DCDC1: variants seen among roughly 807,000 people sequenced by gnomAD.
The protein encoded by DCDC1 is doublecortin domain containing 1, also known as doublecortin domain-containing protein 1.
Under a neutral mutation model 178.3 loss-of-function variants are expected in DCDC1, and 200 were observed. That is an observed-to-expected ratio of 1.12 (90% CI 1.00 to 1.26). DCDC1 has a LOEUF of 1.26. Among genes scored for constraint, DCDC1 ranks in the 50% most tolerant of loss-of-function variants. The pLI is 0.00. For synonymous variants in DCDC1, 690 were observed against 604.8 expected, an observed-to-expected ratio of 1.14 and a Z score of -2.07; for missense variants, 1,983 against 1,749.2, an observed-to-expected ratio of 1.13 and a Z score of -2.38.
intron 20 of DCDC1, among the ~76,000 whole-genome samples, chr11:30,953,027 G>T (rs1948525897): frequency 6.6e-6 from 1 of 151,778 alleles, no homozygotes; most frequent in African/African-American, 2.4e-5. Flanking sequence ...AATGCTATAA[G>T]TAATAAATGC....
chr11:30,960,996 T>A (rs1327572305), intron 20 of DCDC1, among the ~76,000 whole-genome samples: 1 of 152,148 alleles, frequency 6.6e-6, no homozygotes, highest in Non-Finnish European at 1.5e-5. Context: ...CTCTGTTCAA[T>A]ATTTGATTGA....
At chr11:30,934,047 G>A (rs188715427) in intron 21 of DCDC1, among the ~76,000 whole-genome samples, 1 of 152,248 alleles carries the variant, frequency 6.6e-6, no homozygotes, top group Admixed American at 6.5e-5. Context: ...CCACTCAGCT[G>A]GTGGCATCAA....
At chr11:31,195,383 C>T (rs968645159) in intron 9 of DCDC1, among the ~76,000 whole-genome samples, 21 of 151,992 alleles carry the variant, frequency 1.4e-4, no homozygotes, top group Admixed American at 5.3e-4. Flanking sequence ...TGCAATTATT[C>T]TAGTGATTAA....
chr11:31,133,312 C>T (rs1962686027), intron 10 of DCDC1, among the ~76,000 whole-genome samples: 1 of 152,164 alleles, frequency 6.6e-6, no homozygotes, highest in South Asian at 2.1e-4. Context: ...CGGTGGCAGC[C>T]TCTATACTAG....
intron 1 of DCDC1, among the ~76,000 whole-genome samples, chr11:31,358,271 A>C (rs1345048938): frequency 6.6e-6 from 1 of 152,208 alleles, no homozygotes; most frequent in African/African-American, 2.4e-5. Flanking sequence ...CAGAGCCCTC[A>C]GAAATAATGC....
At chr11:30,879,490 T>C (rs1428252996) in intron 37 of DCDC1, among the ~76,000 whole-genome samples, 2 of 152,288 alleles carry the variant, frequency 1.3e-5, no homozygotes, top group South Asian at 4.1e-4. Flanking sequence ...TCCTGGAACA[T>C]ATATAGCTCA....
At chr11:31,316,341 G>T (rs1949119180) in intron 3 of DCDC1, among the ~76,000 whole-genome samples, 1 of 129,934 alleles carries the variant, frequency 7.7e-6, no homozygotes, top group African/African-American at 3.2e-5. Flanking sequence ...TGTAATGATT[G>T]CCATTCTAAC....
intron 10 of DCDC1, among the ~76,000 whole-genome samples, chr11:31,130,536 A>G (rs916443875): frequency 6.6e-6 from 1 of 152,160 alleles, no homozygotes; most frequent in African/African-American, 2.4e-5. Flanking sequence ...GAGAGCCACA[A>G]ACAACCAGTA....
intron 30 of DCDC1, chr11:30,906,232 G>A (rs1396808043): frequency 1.6e-5 from 4 of 243,670 alleles, no homozygotes; most frequent in Middle Eastern, 1.3e-3. Flanking sequence ...GCTGTTCCAC[G>A]AAGTAAAGAT....
chr11:31,351,049 T>A (rs1951048000), intron 1 of DCDC1, among the ~76,000 whole-genome samples: 1 of 152,038 alleles, frequency 6.6e-6, no homozygotes. Context: ...ATCAAAAAAC[T>A]ACATTTCAAG....
chr11:30,885,477 A>G (rs1255572962), intron 36 of DCDC1, among the ~76,000 whole-genome samples: 1 of 152,060 alleles, frequency 6.6e-6, no homozygotes, highest in African/African-American at 2.4e-5. Flanking sequence ...CTTACTACTT[A>G]ATAAAATGCT....
chr11:31,115,496 C>G (rs767484637), intron 11 of DCDC1, among the ~76,000 whole-genome samples: 1 of 152,070 alleles, frequency 6.6e-6, no homozygotes, highest in Non-Finnish European at 1.5e-5. Context: ...AAAATGACAC[C>G]GCAGTGTGTT....
intron 11 of DCDC1, among the ~76,000 whole-genome samples, chr11:31,125,778 G>T (rs762834704): frequency 1.1e-4 from 17 of 152,158 alleles, no homozygotes; most frequent in Non-Finnish European, 2.5e-4. Flanking sequence ...CCCATCAGGG[G>T]CGGTTGGGTG....
intron 18 of DCDC1, among the ~76,000 whole-genome samples, chr11:31,076,330 G>A (rs557954464): frequency 6.6e-6 from 1 of 151,798 alleles, no homozygotes. Context: ...CAGTTGTTCT[G>A]TTTACTTAAT....
intron 32 of DCDC1, among the ~76,000 whole-genome samples, chr11:30,900,952 G>T (rs1378803843): frequency 6.6e-6 from 1 of 151,704 alleles, no homozygotes; most frequent in Non-Finnish European, 1.5e-5. Context: ...AATAGTGTTT[G>T]GTCTATTTAC....
At chr11:31,176,203 A>G (rs1967992806) in intron 9 of DCDC1, among the ~76,000 whole-genome samples, 1 of 152,214 alleles carries the variant, frequency 6.6e-6, no homozygotes, top group South Asian at 2.1e-4. Context: ...GATAGATATC[A>G]CAAAAAAGAA....
chr11:30,906,109 C>T (rs796448607), intron 30 of DCDC1, among the ~76,000 whole-genome samples: 45 of 152,112 alleles, frequency 3.0e-4, no homozygotes, highest in African/African-American at 7.0e-4. Context: ...TAGACATAGA[C>T]GTGTGAATTC....
chr11:31,075,090 C>T (rs1956787990), intron 18 of DCDC1, among the ~76,000 whole-genome samples: 1 of 152,170 alleles, frequency 6.6e-6, no homozygotes, highest in Non-Finnish European at 1.5e-5. Context: ...TCATTCTACA[C>T]TCTATGTCCA....
chr11:31,160,139 A>G (rs1452484087), intron 9 of DCDC1, among the ~76,000 whole-genome samples: 1 of 152,208 alleles, frequency 6.6e-6, no homozygotes, highest in East Asian at 1.9e-4. Context: ...GTAAACATGA[A>G]TGTTTTATGA....
Sources: allele counts gnomAD v4.1 joint callset (sites outside exome capture counted in the v4.1 genomes callset), GRCh38; gene constraint gnomAD v4.1.1; transcripts MANE v1.5; gene names NCBI Gene and HGNC (gene_info 2026-07-23, HGNC 2026-07-21).